The following DIXDC1 variants were observed in gnomAD, a reference collection of about 807,000 sequenced individuals.
DIXDC1 encodes the protein DIX domain containing 1, also known as dixin.
In DIXDC1, 64 loss-of-function variants were observed where a neutral mutation model predicts 103.1. The observed-to-expected ratio is 0.62, with a 90% CI of 0.51 to 0.76. The LOEUF is 0.76. DIXDC1 is among the 30% of genes least tolerant of loss of function. The pLI, the probability that DIXDC1 is intolerant of heterozygous loss-of-function variation, is 0.00. For missense variants in DIXDC1, 759 were observed against 834.2 expected (o/e 0.91, Z 1.11); for synonymous variants, 266 against 298.5 (o/e 0.89, Z 1.12).
chr11:111,948,186 C>T (rs1442187076), intron 1 of DIXDC1, among the ~76,000 whole-genome samples: 32 of 152,246 alleles, frequency 2.1e-4, no homozygotes, highest in South Asian at 4.1e-4. Context: ...GGCCACATAC[C>T]GAGGCCACAC....
intron 6 of DIXDC1, among the ~76,000 whole-genome samples, chr11:111,981,738 G>T (rs952032734): frequency 9.2e-5 from 14 of 152,136 alleles, no homozygotes; most frequent in African/African-American, 3.4e-4. Flanking sequence ...ATTTTAAATG[G>T]CTGTACATAC....
intron 16 of DIXDC1, among the ~76,000 whole-genome samples, 154 bp downstream of exon 16, chr11:111,995,718 GAC>G (rs3839945): frequency 0.31 from 46,961 of 151,900 alleles, 8,235 homozygotes; most frequent in East Asian, 0.58. Context: ...CAGTGGAACT[GAC>G]TATTCATCAT....
intron 3 of DIXDC1, among the ~76,000 whole-genome samples, chr11:111,970,594 C>G (rs1259499436): frequency 6.6e-6 from 1 of 150,608 alleles, no homozygotes; most frequent in Non-Finnish European, 1.5e-5. Context: ...AGCAGGAGGC[C>G]GAGGTTCCAG....
At chr11:111,946,057 C>G (rs1005218358) in intron 1 of DIXDC1, among the ~76,000 whole-genome samples, 3 of 151,924 alleles carry the variant, frequency 2.0e-5, no homozygotes, top group Admixed American at 2.0e-4. Context: ...CTGCCTTAGC[C>G]TCCCAAGTAG....
rs1403345135 is a variant in DIXDC1, at chr11:111,986,878, T to A, written c.1016T>A (p.Ile339Asn). ...GVNPEEQLII[I>N]QSRLDQSMEE... Reference sequence around the variant, plus strand: ...TGTTTGTCTTATATTCAGATTATAATCCAAAGTCGTCTGGATCAGAGTATG... The same window carrying A: ...TGTTTGTCTTATATTCAGATTATAAACCAAAGTCGTCTGGATCAGAGTATG... The change falls in exon 9 of 20, where the codon ATC (isoleucine) becomes AAC (asparagine). Residue 339 changes from isoleucine (I) to asparagine (N), a missense_variant. Physicochemically the swap from Ile to Asn is moderately radical, Grantham distance 149 (BLOSUM62 -3). This residue lies in a region of DIXDC1 where 657 missense variants were observed against 727.5 expected (regional missense o/e 0.90). Transcript: ENST00000440460. 6.4e-7 allele frequency: 1 copy of A among 1,570,838 alleles called. No homozygotes were observed. The highest frequency in any genetic ancestry group is 8.6e-7 in the Non-Finnish European group (1 of 1,156,730).
chr11:112,011,768 A>T (rs1271315008), intron 17 of DIXDC1, among the ~76,000 whole-genome samples: 4 of 151,446 alleles, frequency 2.6e-5, no homozygotes, highest in Non-Finnish European at 5.9e-5. Flanking sequence ...ACACATGGAC[A>T]CAGGGCGGGG....
rs1348855423 is a variant in DIXDC1 at position 112,019,099 on chromosome 11, A to G, written c.*63A>G. On this transcript the variant is annotated 3_prime_UTR_variant, in exon 20 of 20. Transcript: ENST00000440460. ...ACTCCCTGGCTGCTTCACTCAGGAA[A>G]GGGAACTAAAACCAGAATACACTAA... 2 of 1,451,238 alleles carry G rather than the reference A, an allele frequency of 1.4e-6. No individual in the cohort carries two copies. Among genetic ancestry groups the G allele is most frequent in the African/African-American group, 1.4e-5 (1 of 70,888 alleles). 89.9% of individuals were successfully genotyped at this position (1,451,238 alleles called of 1,614,324 possible). A position where few individuals can be genotyped will look rare whatever the true frequency, so the allele number is the denominator to read the frequency against.
chr11:111,994,123 A>G (rs587714209), intron 14 of DIXDC1, among the ~76,000 whole-genome samples: 173 of 152,344 alleles, frequency 1.1e-3, no homozygotes, highest in African/African-American at 3.9e-3. Context: ...ACAGTGGCTC[A>G]CATCTGTAAT....
intron 2 of DIXDC1, among the ~76,000 whole-genome samples, chr11:111,931,573 G>A (rs1427599474): frequency 1.3e-5 from 2 of 152,142 alleles, no homozygotes; most frequent in Non-Finnish European, 2.9e-5. Context: ...AACCCGGGAG[G>A]CAGAGGTTGC....
chr11:112,009,116 A>G (rs1555176973), intron 17 of DIXDC1, among the ~76,000 whole-genome samples: 1 of 152,206 alleles, frequency 6.6e-6, no homozygotes, highest in Non-Finnish European at 1.5e-5. Context: ...AAAAAATGAT[A>G]AAGGGGATAT....
chr11:111,977,674 G>C lies in DIXDC1; in HGVS notation c.656+2691G>C. On this transcript the variant is annotated intron_variant, in intron 5 of 19. Transcript: ENST00000440460. The surrounding 1 kb of genome is among the most constrained non-coding windows in gnomAD (Gnocchi z 6.1). ...CGTGGAGGCGTTTTCCAGCCCCAGC[G>C]CGGGGAGACATGCCTGAATTTGGGA... The C allele has an allele frequency of 6.5e-7, 1 of 1,546,300 alleles. No homozygotes were observed. The highest frequency in any genetic ancestry group is 8.7e-7 in the Non-Finnish European group (1 of 1,144,410).
upstream of DIXDC1, among the ~76,000 whole-genome samples, chr11:111,934,025 A>AT (rs1393776622): frequency 6.6e-6 from 1 of 152,204 alleles, no homozygotes; most frequent in Non-Finnish European, 1.5e-5. Flanking sequence ...ATAGATTTAC[A>AT]TTTTTGTAAT....
At chr11:111,991,123 A>G (rs1274406721) in intron 10 of DIXDC1, among the ~76,000 whole-genome samples, 1 of 152,248 alleles carries the variant, frequency 6.6e-6, no homozygotes, top group Non-Finnish European at 1.5e-5. Context: ...TTCATGGGCT[A>G]GACTATTCAC....
intron 1 of DIXDC1, among the ~76,000 whole-genome samples, chr11:111,953,933 G>A (rs944149518): frequency 1.3e-5 from 2 of 151,854 alleles, no homozygotes; most frequent in Admixed American, 6.6e-5. Flanking sequence ...AAAGAAACGC[G>A]TCTGTACTGA....
At chr11:111,972,369 C>T (rs1859964410) in intron 3 of DIXDC1, among the ~76,000 whole-genome samples, 1 of 152,116 alleles carries the variant, frequency 6.6e-6, no homozygotes, top group African/African-American at 2.4e-5. Context: ...TTAAAGTCAG[C>T]TATTTTGAGG....
chr11:111,985,616 G>A (rs946967611), intron 8 of DIXDC1, among the ~76,000 whole-genome samples: 2 of 151,900 alleles, frequency 1.3e-5, no homozygotes, highest in African/African-American at 2.4e-5. Context: ...GAAGCTTCTC[G>A]TTTTCTGCTT....
At chr11:112,013,310 G>A (rs1555177384) in intron 17 of DIXDC1, among the ~76,000 whole-genome samples, 1 of 126,102 alleles carries the variant, frequency 7.9e-6, no homozygotes, top group Non-Finnish European at 1.6e-5. Flanking sequence ...TGAAGTTGAC[G>A]GGTCGGGGGG....
chr11:111,991,972 G>A (rs1451669194), intron 10 of DIXDC1, among the ~76,000 whole-genome samples: 1 of 152,170 alleles, frequency 6.6e-6, no homozygotes, highest in African/African-American at 2.4e-5. Context: ...TCTAGATTGA[G>A]TATTTATATG....
At chr11:111,997,431 G>A (rs1168417165) in intron 17 of DIXDC1, among the ~76,000 whole-genome samples, 1 of 152,074 alleles carries the variant, frequency 6.6e-6, no homozygotes, top group Non-Finnish European at 1.5e-5. Flanking sequence ...TGTCTCCCGG[G>A]TTCAAGCAAT....
Sources: allele counts gnomAD v4.1 joint callset (sites outside exome capture counted in the v4.1 genomes callset), GRCh38; gene constraint gnomAD v4.1.1; regional missense constraint gnomAD v4.1.1; non-coding constraint Gnocchi (gnomAD v3.1); transcripts MANE v1.5; gene names NCBI Gene and HGNC (gene_info 2026-07-23, HGNC 2026-07-21).